The following GALC variants were observed in gnomAD, a reference collection of about 807,000 sequenced individuals.
GALC encodes galactosylceramidase, also known as galactocerebrosidase.
GALC carries 77 observed loss-of-function variants against 91.8 expected under a neutral mutation model. The observed-to-expected ratio is 0.84, with a 90% confidence interval of 0.70 to 1.01. GALC has a LOEUF of 1.01. Among genes scored for constraint, GALC ranks in the 50% least tolerant of loss-of-function variants. The pLI is 0.00. For synonymous variants in GALC, 357 were observed against 306.7 expected (o/e 1.16, Z -1.71); for missense variants, 882 against 855.9 (o/e 1.03, Z -0.38).
intron 13 of GALC, among the ~76,000 whole-genome samples, chr14:87,947,073 G>C (rs1885102133): frequency 6.6e-6 from 1 of 151,906 alleles, no homozygotes; most frequent in East Asian, 1.9e-4. Flanking sequence ...AGATTACAAA[G>C]CCACCTGACC....
rs1566965103 is a variant in GALC at position 87,936,918 on chromosome 14, TTA to T, written c.1912-2042_1912-2041del. Reference sequence around the variant, plus strand: ...GTACTATATATATATATATATTTATTTATTTTCTCATTGAATCTTCATAAGAA... The same window carrying T: ...GTACTATATATATATATATATTTATTTTTTCTCATTGAATCTTCATAAGAA... On this transcript the variant is annotated intron_variant, in intron 16 of 16. Coordinates refer to ENST00000261304, the MANE Select transcript of GALC (RefSeq NM_000153.4). Among the ~76,000 whole-genome samples, 3 of 124,776 alleles carry T rather than the reference TTA, an allele frequency of 2.4e-5. 1 individual carries two copies. The highest frequency in any genetic ancestry group is 1.0e-4 in the African/African-American group (3 of 29,902). 81.9% of individuals were successfully genotyped at this position (124,776 alleles called of 152,430 possible).
intron 14 of GALC, among the ~76,000 whole-genome samples, chr14:87,943,854 A>G (rs773402846): frequency 6.6e-6 from 1 of 152,022 alleles, no homozygotes; most frequent in Non-Finnish European, 1.5e-5. Flanking sequence ...CTGGAAAATA[A>G]CACATAATAG....
Position 87,993,142 on chromosome 14 carries a change from G to A in GALC, c.23C>T (p.Ala8Val), listed in dbSNP as rs376511103. Residue 8 changes from alanine (A) to valine (V), a missense_variant, in exon 1 of 17, where the codon GCT becomes GTT. By Grantham distance (64) the Ala-to-Val change is moderately conservative. Coordinates refer to ENST00000261304, the MANE Select transcript of GALC (RefSeq NM_000153.4). ...AGCTTTCGCTCGGCGTTGCCAGGAA[G>A]CCGAGAGTAGCCACTCAGCCATTGT... MAEWLLS[A>V]SWQRRAKAMT... The A allele has an allele frequency of 7.0e-6, 11 of 1,582,694 alleles. No homozygotes were observed. In the African/African-American group the frequency reaches 1.5e-4, roughly 21 times the overall value.
intron 10 of GALC, among the ~76,000 whole-genome samples, chr14:87,961,354 G>T (rs1245818025): frequency 6.6e-6 from 1 of 152,176 alleles, no homozygotes; most frequent in Non-Finnish European, 1.5e-5. Context: ...TCATAAAACT[G>T]CTGGTGGCAA....
intron 10 of GALC, chr14:87,955,101 C>G: frequency 1.5e-6 from 2 of 1,353,382 alleles, no homozygotes; most frequent in Admixed American, 1.7e-5. Context: ...AGATTCAGAG[C>G]CTTTTTGTGT....
At chr14:87,992,407 T>C (rs1397509495) in intron 1 of GALC, 12 of 1,535,610 alleles carry the variant, frequency 7.8e-6, no homozygotes, top group Non-Finnish European at 1.0e-5. Flanking sequence ...GCACCAGTCC[T>C]GCCTCCAAAC....
intron 1 of GALC, chr14:87,992,202 C>T: frequency 7.9e-7 from 1 of 1,271,048 alleles, no homozygotes. Context: ...AAGCTCCATC[C>T]AACTCAACCC....
chr14:87,988,205 C>T lies in GALC; in HGVS notation c.267G>A (p.Pro89=), dbSNP rs1258153050. Residue 89 remains proline, a splice_region_variant and synonymous_variant, in exon 3 of 17, where the codon CCG becomes CCA. Transcript: ENST00000261304. ...AAATATGCAAAGAGGCACCAAAATT[C>T]GGCTGTGAAAAGAAGTAACAGTATT... ...RSQILDYLFK[P]NFGASLHILK... is the part of the protein sequence containing the mutation. 1 of 1,613,354 alleles carries T rather than the reference C, an allele frequency of 6.2e-7. No homozygotes were observed. The highest frequency in any genetic ancestry group is 1.7e-4 in the Middle Eastern group (1 of 6,058).
rs1176265523 is a variant in GALC, at chr14:87,936,921, T to TATATATATATATATATA, written c.1912-2044_1912-2043insTATATATATATATATAT. Among the ~76,000 whole-genome samples the TATATATATATATATATA allele has an allele frequency of 6.0e-4, 84 of 141,078 alleles. 2 individuals carry two copies. The highest frequency in any genetic ancestry group is 1.1e-3 in the East Asian group (5 of 4,654). 92.6% of individuals were successfully genotyped at this position (141,078 alleles called of 152,430 possible). On this transcript the variant is annotated intron_variant, in intron 16 of 16. Transcript: ENST00000261304. ...CTATATATATATATATATTTATTTA[T>TATATATATATATATATA]TTTCTCATTGAATCTTCATAAGAAA...
Position 87,937,943 on chromosome 14 carries a change from A to AT in GALC, c.1911+1961dup, listed in dbSNP as rs952557438. Among the ~76,000 whole-genome samples, 4 of 151,318 alleles carry AT rather than the reference A, an allele frequency of 2.6e-5. 1 individual carries two copies. The highest frequency in any genetic ancestry group is 3.9e-4 in the East Asian group (2 of 5,118). On this transcript the variant is annotated intron_variant, in intron 16 of 16. Transcript: ENST00000261304. ...CATTATTGTTAAAAAAAAAAAAGTC[A>AT]TTTTTTCCTAAATTGATGTGTAAAT...
rs1886908054 is a variant in GALC, at chr14:87,984,942, T to TC, written c.443-410dup. Among the ~76,000 whole-genome samples the TC allele has an allele frequency of 8.6e-5, 7 of 81,058 alleles. No homozygotes were observed. In the Admixed American group the frequency reaches 1.1e-3, roughly 13 times the overall value. 53.2% of individuals were successfully genotyped at this position (81,058 alleles called of 152,430 possible). ...TTCTAAAAGGCTTATGCCAAACTAC[T>TC]CTTGAGTTATGTATAACACAAATTT... On this transcript the variant is annotated intron_variant, in intron 4 of 16. Coordinates refer to ENST00000261304, the MANE Select transcript of GALC (RefSeq NM_000153.4).
intron 14 of GALC, 134 bp downstream of exon 14, chr14:87,945,419 C>A (rs1034134611): frequency 2.7e-6 from 2 of 745,386 alleles, no homozygotes; most frequent in South Asian, 1.5e-5. Flanking sequence ...ATTCAACAAC[C>A]CTTAATATTA....
At chr14:87,978,650 T>C (rs1567003338) in intron 6 of GALC, among the ~76,000 whole-genome samples, 3 of 152,210 alleles carry the variant, frequency 2.0e-5, no homozygotes, top group Non-Finnish European at 4.4e-5. Flanking sequence ...ATAGAAGCTC[T>C]ATTTATAAGA....
At chr14:87,948,383 CTT>C (rs1885161943) in intron 12 of GALC, among the ~76,000 whole-genome samples, 1 of 152,056 alleles carries the variant, frequency 6.6e-6, no homozygotes, top group Admixed American at 6.6e-5. Context: ...TTATGTCACA[CTT>C]ACGATCTTGG....
At chr14:87,966,718 T>C (rs1287989183) in intron 8 of GALC, among the ~76,000 whole-genome samples, 17 of 152,126 alleles carry the variant, frequency 1.1e-4, no homozygotes, top group Non-Finnish European at 4.4e-5. Context: ...TTTTGTAAAA[T>C]ACATACAAAA....
At chr14:87,981,902 A>G (rs1411619054) in intron 6 of GALC, among the ~76,000 whole-genome samples, 1 of 152,180 alleles carries the variant, frequency 6.6e-6, no homozygotes, top group Non-Finnish European at 1.5e-5. Flanking sequence ...AAAATGATAT[A>G]ATTGTTTCAT....
chr14:87,976,216 G>T, intron 7 of GALC, 142 bp downstream of exon 7: 1 of 785,522 alleles, frequency 1.3e-6, no homozygotes, highest in Non-Finnish European at 2.2e-6. Context: ...TGAACTATGA[G>T]CCATGCATGC....
chr14:87,989,939 T>C (rs1196955768), intron 1 of GALC, among the ~76,000 whole-genome samples: 1 of 152,198 alleles, frequency 6.6e-6, no homozygotes, highest in African/African-American at 2.4e-5. Flanking sequence ...ACCTTCTACC[T>C]AGATGTATCA....
chr14:87,988,440 T>C lies in GALC; in HGVS notation c.264+15A>G. 1 of 1,524,564 alleles carries C rather than the reference T, an allele frequency of 6.6e-7. No individual in the cohort carries two copies. Among genetic ancestry groups the C allele is most frequent in the Non-Finnish European group, 9.1e-7 (1 of 1,098,834 alleles). 94.4% of individuals were successfully genotyped at this position (1,524,564 alleles called of 1,614,324 possible). A position where few individuals can be genotyped will look rare whatever the true frequency, so the allele number is the denominator to read the frequency against. On this transcript the variant is annotated intron_variant, in intron 2 of 16. Coordinates refer to ENST00000261304, the MANE Select transcript of GALC (RefSeq NM_000153.4). ...AAATATCACAGGTACCATGAAATAATTATGTTTTCATTACCTTAAAGAGAT... is the reference window on the plus strand; with the variant it reads ...AAATATCACAGGTACCATGAAATAACTATGTTTTCATTACCTTAAAGAGAT...
Sources: gnomAD v4.1 joint callset for allele counts (sites outside exome capture counted in the v4.1 genomes callset) on GRCh38, gnomAD v4.1.1 for gene constraint, MANE v1.5 for transcripts, NCBI Gene and HGNC (gene_info 2026-07-23, HGNC 2026-07-21) for gene names.